The following CNTN4 variants were observed in gnomAD, a reference collection of about 807,000 sequenced individuals.
The protein encoded by CNTN4 is contactin 4.
In CNTN4, 77 loss-of-function variants were observed where a neutral mutation model predicts 122.5. That is an observed-to-expected ratio of 0.63 (90% CI 0.52 to 0.76). CNTN4 has a LOEUF of 0.76. Among genes scored for constraint, CNTN4 ranks in the 30% least tolerant of loss-of-function variants. The pLI is 0.00. For missense variants in CNTN4, 1,256 were observed against 1,259.1 expected, an observed-to-expected ratio of 1.00 and a Z score of 0.04; for synonymous variants, 512 against 447.0, an observed-to-expected ratio of 1.15 and a Z score of -1.83.
chr3:2,629,695 C>A (rs955187269), intron 4 of CNTN4: 7 of 325,368 alleles, frequency 2.2e-5, no homozygotes, highest in South Asian at 7.7e-5. Flanking sequence ...ATCTCTCTAG[C>A]TTTTGTCATA....
intron 8 of CNTN4, among the ~76,000 whole-genome samples, chr3:2,876,209 C>A (rs544932619): frequency 1.3e-5 from 2 of 152,110 alleles, no homozygotes; most frequent in African/African-American, 4.8e-5. Context: ...CAGTTGTTGC[C>A]CCATACTCTG....
intron 13 of CNTN4, among the ~76,000 whole-genome samples, chr3:2,933,833 T>C (rs557973656): frequency 6.6e-6 from 1 of 152,222 alleles, no homozygotes; most frequent in Admixed American, 6.5e-5. Flanking sequence ...TAAGAAGCCA[T>C]GGAGTGCATT....
chr3:2,276,181 A>T (rs929094970), intron 2 of CNTN4, among the ~76,000 whole-genome samples: 30 of 142,070 alleles, frequency 2.1e-4, no homozygotes, highest in African/African-American at 8.4e-4. Context: ...TATTTTTATT[A>T]TTTTTTTTTG....
intron 24 of CNTN4, among the ~76,000 whole-genome samples, chr3:3,055,685 T>C (rs1487997625): frequency 6.6e-6 from 1 of 152,206 alleles, no homozygotes; most frequent in African/African-American, 2.4e-5. Context: ...GGGCGCAAAT[T>C]ACCGCCATCT....
intron 3 of CNTN4, among the ~76,000 whole-genome samples, chr3:2,431,878 A>C (rs979882692): frequency 2.0e-5 from 3 of 152,036 alleles, no homozygotes; most frequent in Non-Finnish European, 4.4e-5. Context: ...TTATGAAGTC[A>C]AAACAATTGA....
chr3:2,741,504 C>T (rs917808170), intron 5 of CNTN4, among the ~76,000 whole-genome samples: 1 of 152,190 alleles, frequency 6.6e-6, no homozygotes, highest in African/African-American at 2.4e-5. Context: ...CAGAAGGCCG[C>T]TGTTCATAAT....
chr3:2,632,024 C>G (rs1015055245), intron 4 of CNTN4, among the ~76,000 whole-genome samples: 1 of 151,750 alleles, frequency 6.6e-6, no homozygotes, highest in Non-Finnish European at 1.5e-5. Flanking sequence ...GCACTTCACC[C>G]TGGGGGACAG....
intron 2 of CNTN4, among the ~76,000 whole-genome samples, chr3:2,178,554 A>G (rs142322385): frequency 1.3e-5 from 2 of 152,244 alleles, no homozygotes; most frequent in African/African-American, 4.8e-5. Context: ...ATGATTAAAT[A>G]TTTATTTGAG....
At chr3:2,839,823 A>C (rs926055949) in intron 7 of CNTN4, among the ~76,000 whole-genome samples, 1 of 152,210 alleles carries the variant, frequency 6.6e-6, no homozygotes, top group African/African-American at 2.4e-5. Flanking sequence ...AGCACAGTGT[A>C]TGCCCGCAGA....
chr3:3,020,401 C>G (rs541070670), intron 14 of CNTN4, among the ~76,000 whole-genome samples: 1 of 152,156 alleles, frequency 6.6e-6, no homozygotes, highest in African/African-American at 2.4e-5. Context: ...AGCTTAATGT[C>G]GAAGAAAGAA....
chr3:2,404,119 C>A (rs1575561372), intron 3 of CNTN4, among the ~76,000 whole-genome samples: 1 of 152,140 alleles, frequency 6.6e-6, no homozygotes, highest in Non-Finnish European at 1.5e-5. Context: ...TGTTGTTCTG[C>A]AGAAACCTCA....
At chr3:2,434,223 A>G (rs2048180060) in intron 3 of CNTN4, among the ~76,000 whole-genome samples, 1 of 152,232 alleles carries the variant, frequency 6.6e-6, no homozygotes, top group African/African-American at 2.4e-5. Flanking sequence ...TAATCATTTC[A>G]TATTGTAAAC....
At chr3:2,650,799 A>G (rs1173811977) in intron 4 of CNTN4, among the ~76,000 whole-genome samples, 1 of 152,242 alleles carries the variant, frequency 6.6e-6, no homozygotes, top group Non-Finnish European at 1.5e-5. Flanking sequence ...TTGTACACTT[A>G]TTAAACTGCA....
chr3:2,805,656 A>C (rs2092448831), intron 6 of CNTN4, among the ~76,000 whole-genome samples: 1 of 152,134 alleles, frequency 6.6e-6, no homozygotes, highest in South Asian at 2.1e-4. Flanking sequence ...ACTGACCTGC[A>C]TTGAAAACAA....
intron 2 of CNTN4, among the ~76,000 whole-genome samples, chr3:2,195,187 G>A (rs2037779248): frequency 6.6e-6 from 1 of 152,182 alleles, no homozygotes; most frequent in South Asian, 2.1e-4. Context: ...GTTATTCTAT[G>A]CCGGGATCAT....
intron 3 of CNTN4, among the ~76,000 whole-genome samples, chr3:2,553,389 C>G (rs1444851194): frequency 6.6e-6 from 1 of 152,120 alleles, no homozygotes; most frequent in African/African-American, 2.4e-5. Flanking sequence ...TAGTGGAATT[C>G]ATTTAAATTA....
chr3:2,594,170 C>T (rs905668900), intron 4 of CNTN4, among the ~76,000 whole-genome samples: 3 of 152,056 alleles, frequency 2.0e-5, no homozygotes, highest in South Asian at 2.1e-4. Context: ...CTTTGTCTGG[C>T]ATTTGATTGG....
chr3:2,699,011 G>A (rs2086204858), intron 4 of CNTN4, among the ~76,000 whole-genome samples: 2 of 130,040 alleles, frequency 1.5e-5, no homozygotes, highest in Admixed American at 8.5e-5. Context: ...CGACAAGAGC[G>A]AGACTCTGTC....
In CNTN4 at chr3:2,353,076, A is replaced by G. The variant is rs796184670; in HGVS notation, c.-89+13843A>G. ...TCAGTGCTCTGTGTCTAGCTAATCT[A>G]TGGGGACTGGGAGAACTTTTATGTC... On this transcript the variant is annotated intron_variant, in intron 3 of 24. Coordinates refer to ENST00000418658, the MANE Select transcript of CNTN4 (RefSeq NM_175607.3). Among the ~76,000 whole-genome samples, 21 of 152,176 alleles carry G rather than the reference A, an allele frequency of 1.4e-4. 1 individual carries two copies. The highest frequency in any genetic ancestry group is 4.8e-4 in the African/African-American group (20 of 41,518).
Sources: allele counts gnomAD v4.1 joint callset (sites outside exome capture counted in the v4.1 genomes callset), GRCh38; gene constraint gnomAD v4.1.1; transcripts MANE v1.5; gene names NCBI Gene and HGNC (gene_info 2026-07-23, HGNC 2026-07-21).